The following VWCE variants were observed in gnomAD, a reference collection of about 807,000 sequenced individuals.
VWCE encodes von Willebrand factor C and EGF domain-containing protein.
VWCE carries 68 observed loss-of-function variants against 102.9 expected under a neutral mutation model. That is an observed-to-expected ratio of 0.66 (90% confidence interval 0.54 to 0.81). VWCE has a LOEUF of 0.81. Ranked by LOEUF, VWCE falls within the 30% of genes least tolerant of loss-of-function variation. The pLI, the probability that VWCE is intolerant of heterozygous loss-of-function variation, is 0.00. For synonymous variants in VWCE, 497 were observed against 515.4 expected (o/e 0.96, Z 0.48); for missense variants, 1,137 against 1,263.6 (o/e 0.90, Z 1.52).
chr11:61,270,389 C>A (rs183676325), intron 14 of VWCE, among the ~76,000 whole-genome samples: 3 of 152,276 alleles, frequency 2.0e-5, no homozygotes, highest in African/African-American at 7.2e-5. Context: ...AACGCAGGTG[C>A]AAGGGACCTC....
At chr11:61,260,972 C>T (rs1854339743) in intron 19 of VWCE, among the ~76,000 whole-genome samples, 1 of 152,092 alleles carries the variant, frequency 6.6e-6, no homozygotes, top group African/African-American at 2.4e-5. Flanking sequence ...TGCCCATAAT[C>T]CCAGCATTTT....
rs370465766 is a variant in VWCE, at chr11:61,267,562, C to T, written c.1883-18G>A. The T allele has an allele frequency of 1.4e-5, 22 of 1,612,910 alleles. No individual in the cohort carries two copies. The highest frequency in any genetic ancestry group is 2.2e-5 in the East Asian group (1 of 44,864). ...GGTGCAGCCTGCCAGAGAGAGCATG[C>T]GCTGAGCACCAGCTGGGAGTGGCCA... On this transcript the variant is annotated intron_variant, in intron 15 of 19. Transcript: ENST00000335613.
At chr11:61,291,059 C>A in intron 3 of VWCE, 132 bp from the exon 4 acceptor site, 1 of 1,405,944 alleles carries the variant, frequency 7.1e-7, no homozygotes, top group Non-Finnish European at 9.5e-7. Flanking sequence ...AAATCCAGCT[C>A]TGCCATTTAC....
In VWCE at chr11:61,280,617, C is replaced by A; in HGVS notation, c.1324+7G>T. The A allele has an allele frequency of 6.2e-7, 1 of 1,613,816 alleles. No individual in the cohort carries two copies. Among genetic ancestry groups the A allele is most frequent in the Non-Finnish European group, 8.5e-7 (1 of 1,179,816 alleles). On this transcript the variant is annotated splice_region_variant and intron_variant, in intron 9 of 19. Transcript: ENST00000335613. ...GGACTATGTCCTTCCCTGGCACCAG[C>A]TCTCACCTGTGCACGATGGGCAGCA...
chr11:61,282,666 G>T, intron 6 of VWCE, 123 bp downstream of exon 6: 1 of 776,958 alleles, frequency 1.3e-6, no homozygotes, highest in Non-Finnish European at 2.2e-6. Context: ...AAAGGCTCAA[G>T]CCCCTTCAAG....
intron 1 of VWCE, among the ~76,000 whole-genome samples, chr11:61,293,937 C>G (rs532944990): frequency 1.7e-4 from 26 of 152,154 alleles, no homozygotes; most frequent in Non-Finnish European, 3.4e-4. Context: ...TCATCCACCC[C>G]CTTGCTGGAG....
intron 15 of VWCE, among the ~76,000 whole-genome samples, chr11:61,268,693 C>A (rs895025196): frequency 6.6e-6 from 1 of 152,218 alleles, no homozygotes; most frequent in Non-Finnish European, 1.5e-5. Flanking sequence ...AGGTGCAGCT[C>A]CTGTACCACC....
At position 61,281,671 on chromosome 11, in the gene VWCE, GTGGC is replaced by G. The variant is rs1855139846; in HGVS notation, c.787+111_787+114del. 3 of 1,364,332 alleles carry G rather than the reference GTGGC, an allele frequency of 2.2e-6. No homozygotes were observed. The East Asian group carries it at 8.0e-5, about 36-fold the overall frequency. 84.5% of individuals were successfully genotyped at this position (1,364,332 alleles called of 1,614,324 possible). A position where few individuals can be genotyped will look rare whatever the true frequency, so the allele number is the denominator to read the frequency against. On this transcript the variant is annotated intron_variant, in intron 7 of 19. Coordinates refer to ENST00000335613, the MANE Select transcript of VWCE (RefSeq NM_152718.2). ...GGGCGGGGCCAGGAGCTGAGAGGGC[GTGGC>G]TGGGCGCCGGGAGGGCGTGACGGGG...
Position 61,258,556 on chromosome 11 carries a change from G to T in VWCE, c.*119C>A. ...TTGGGGGTCTTCCATCCTCACCAGG[G>T]CCCCTGCAGGAGGGAGCCCAGGCAT... On this transcript the variant is annotated 3_prime_UTR_variant, in exon 20 of 20. Coordinates refer to ENST00000335613, the MANE Select transcript of VWCE (RefSeq NM_152718.2). The T allele has an allele frequency of 9.5e-7, 1 of 1,047,314 alleles. No individual in the cohort carries two copies. Among genetic ancestry groups the T allele is most frequent in the Non-Finnish European group, 1.2e-6 (1 of 805,576 alleles). 64.9% of individuals were successfully genotyped at this position (1,047,314 alleles called of 1,614,324 possible).
chr11:61,290,215 G>C lies in VWCE; in HGVS notation c.424+584C>G, dbSNP rs190039194. ...TACTTGTCTTCCTTCCTCATATTCA[G>C]AAACTCCCTAATGGGGCTGGGTGCG... On this transcript the variant is annotated intron_variant, in intron 4 of 19. Transcript: ENST00000335613. Among the ~76,000 whole-genome samples the C allele has an allele frequency of 3.4e-4, 51 of 152,138 alleles. 1 individual carries two copies. The highest frequency in any genetic ancestry group is 3.4e-3 in the Middle Eastern group (1 of 294).
chr11:61,264,179 T>C (rs1460181095), intron 19 of VWCE, among the ~76,000 whole-genome samples: 3 of 124,698 alleles, frequency 2.4e-5, no homozygotes, highest in Non-Finnish European at 4.6e-5. Context: ...TGAGGTGAGA[T>C]AGCGCCATTG....
chr11:61,281,808 T>C lies in VWCE; in HGVS notation c.765A>G (p.Arg255=). 2 of 1,613,626 alleles carry C rather than the reference T, an allele frequency of 1.2e-6. No homozygotes were observed. The highest frequency in any genetic ancestry group is 1.7e-6 in the Non-Finnish European group (2 of 1,179,750). ...CACCTTCACAGGACACGCGGTCAGC[T>C]CGGAGCCTGAAGCCAGGTCGGCATG... ...LCTCRPGFRL[R]ADRVSCEAFP... Residue 255 remains arginine (R), a synonymous_variant, in exon 7 of 20, where the codon CGA becomes CGG. Transcript: ENST00000335613.
intron 5 of VWCE, 138 bp downstream of exon 5, chr11:61,286,176 A>G: frequency 1.2e-6 from 1 of 842,782 alleles, no homozygotes; most frequent in Non-Finnish European, 1.9e-6. Context: ...CCATAATAGC[A>G]TCTCCCTCCG....
chr11:61,266,957 G>A (rs1208223014), intron 16 of VWCE, among the ~76,000 whole-genome samples: 1 of 152,076 alleles, frequency 6.6e-6, no homozygotes, highest in Non-Finnish European at 1.5e-5. Flanking sequence ...TGCCAGCCAG[G>A]TTTAAAAATA....
chr11:61,263,375 G>A (rs918370520), intron 19 of VWCE, among the ~76,000 whole-genome samples: 3 of 151,760 alleles, frequency 2.0e-5, no homozygotes, highest in African/African-American at 4.8e-5. Context: ...TATGCTAAGC[G>A]AAATAAGCCA....
intron 16 of VWCE, 139 bp downstream of exon 16, chr11:61,267,323 T>C (rs997424137): frequency 1.2e-5 from 10 of 827,220 alleles, no homozygotes; most frequent in African/African-American, 1.2e-4. Flanking sequence ...TGGGCAGGAC[T>C]GGAGGGAGCT....
rs541377954 is a variant in VWCE at position 61,280,940 on chromosome 11, C to T, written c.1083G>A (p.Gln361=). 1.3e-6 allele frequency: 2 copies of T among 1,531,378 alleles called. No individual in the cohort carries two copies. Among genetic ancestry groups the T allele is most frequent in the South Asian group, 2.6e-5 (2 of 76,986 alleles). The allele number at this position is 1,531,378 out of a possible 1,614,324, so 94.9% of individuals were successfully genotyped here. A position where few individuals can be genotyped will look rare whatever the true frequency, so the allele number is the denominator to read the frequency against. Residue 361 remains glutamine (Q), a synonymous_variant, in exon 8 of 20, where the codon CAG becomes CAA. Coordinates refer to ENST00000335613, the MANE Select transcript of VWCE (RefSeq NM_152718.2). ...LGNLRPPSLL[Q]GEVMGTPSSP... is the part of the protein sequence containing the mutation. The stretch of plus-strand genomic sequence containing the variant: ...AGGAAGGGGTCCCCATCACCTCCCC[C>T]TGAAGGAGTGAGGGGGGTCTGAGGT...
intron 4 of VWCE, among the ~76,000 whole-genome samples, chr11:61,289,669 C>T (rs1855437262): frequency 6.6e-6 from 1 of 152,152 alleles, no homozygotes; most frequent in Admixed American, 6.5e-5. Context: ...TACATATATG[C>T]TGCATGCTTA....
intron 3 of VWCE, 109 bp downstream of exon 3, chr11:61,291,155 A>G (rs1855491315): frequency 8.1e-7 from 1 of 1,241,326 alleles, no homozygotes; most frequent in East Asian, 2.6e-5. Flanking sequence ...TACCTAATGG[A>G]GTTGTCTGAA....
Sources: allele counts gnomAD v4.1 joint callset (sites outside exome capture counted in the v4.1 genomes callset), GRCh38; gene constraint gnomAD v4.1.1; transcripts MANE v1.5; gene names NCBI Gene and HGNC (gene_info 2026-07-23, HGNC 2026-07-21).